TRAPPC9: variants seen among roughly 807,000 people sequenced by gnomAD.
TRAPPC9 encodes trafficking protein particle complex subunit 9.
TRAPPC9 carries 83 observed loss-of-function variants against 124.0 expected under a neutral mutation model. That is an observed-to-expected ratio of 0.67 (90% CI 0.56 to 0.80). The LOEUF (loss-of-function observed/expected upper bound fraction) is 0.80. TRAPPC9 is among the 30% of genes least tolerant of loss of function. The probability of loss-of-function intolerance (pLI) is 0.00; values close to 1 mark genes in which losing one functional copy is unlikely to be tolerated. For missense variants in TRAPPC9, 1,302 were observed against 1,508.3 expected (o/e 0.86, Z 2.27); for synonymous variants, 638 against 617.5 (o/e 1.03, Z -0.49).
chr8:139,799,103 T>G (rs1180591780), intron 21 of TRAPPC9, among the ~76,000 whole-genome samples: 1 of 152,172 alleles, frequency 6.6e-6, no homozygotes, highest in Non-Finnish European at 1.5e-5. Flanking sequence ...TCAAATCTCA[T>G]GTTGAGTTTG....
chr8:139,793,480 C>T (rs1822841964), intron 21 of TRAPPC9, among the ~76,000 whole-genome samples: 1 of 152,158 alleles, frequency 6.6e-6, no homozygotes, highest in Non-Finnish European at 1.5e-5. Context: ...CCGCCACCTG[C>T]CGCCTGGCCC....
At chr8:139,884,522 G>A (rs1829877941) in intron 21 of TRAPPC9, among the ~76,000 whole-genome samples, 1 of 152,180 alleles carries the variant, frequency 6.6e-6, no homozygotes, top group Non-Finnish European at 1.5e-5. Flanking sequence ...TAGCTACCTG[G>A]TGGAATCTCC....
At chr8:140,361,411 C>T (rs920547592) in intron 8 of TRAPPC9, among the ~76,000 whole-genome samples, 1 of 152,198 alleles carries the variant, frequency 6.6e-6, no homozygotes, top group Non-Finnish European at 1.5e-5. Context: ...AAGGAGGTGA[C>T]ATCTGGGGTG....
intron 21 of TRAPPC9, among the ~76,000 whole-genome samples, chr8:139,760,591 G>A (rs1162601586): frequency 1.3e-5 from 2 of 152,174 alleles, no homozygotes; most frequent in African/African-American, 2.4e-5. Flanking sequence ...CTACGAAGTC[G>A]GTTTATCCAG....
chr8:140,157,109 C>CCATTCAAAAGCCTCCCTTTT lies in TRAPPC9; in HGVS notation c.2556+64349_2556+64350insAAAAGGGAGGCTTTTGAATG, dbSNP rs1563804477. Reference sequence around the variant, plus strand: ...CTTTTCCATTCAGAAGCCTCCCTTTCCATTCAGAAGCCTCCCTTTTCCATT... The same window carrying CCATTCAAAAGCCTCCCTTTT: ...CTTTTCCATTCAGAAGCCTCCCTTTCCATTCAAAAGCCTCCCTTTTCATTCAGAAGCCTCCCTTTTCCATT... On this transcript the variant is annotated intron_variant, in intron 17 of 22. Coordinates refer to ENST00000438773, the MANE Select transcript of TRAPPC9 (RefSeq NM_001160372.4). Among the ~76,000 whole-genome samples the CCATTCAAAAGCCTCCCTTTT allele has an allele frequency of 6.6e-4, 75 of 113,954 alleles. 9 individuals are homozygous for CCATTCAAAAGCCTCCCTTTT. The highest frequency in any genetic ancestry group is 8.1e-4 in the Admixed American group (9 of 11,082). 74.8% of individuals were successfully genotyped at this position (113,954 alleles called of 152,430 possible).
chr8:139,864,708 C>A (rs547421457), intron 21 of TRAPPC9, among the ~76,000 whole-genome samples: 1 of 151,250 alleles, frequency 6.6e-6, no homozygotes, highest in South Asian at 2.1e-4. Context: ...GCAAGCCCTG[C>A]AGGGCTGTGG....
chr8:140,437,400 A>AT lies in TRAPPC9; in HGVS notation c.730+1651dup, dbSNP rs574482336. ...AGCACTCTGGGAGGCCAAGGCAGGC[A>AT]TATCAGCTGAGGTCGAGTTCAAGAG... On this transcript the variant is annotated intron_variant, in intron 3 of 22. Transcript: ENST00000438773. Among the ~76,000 whole-genome samples the AT allele has an allele frequency of 4.7e-4, 71 of 152,244 alleles. 1 individual carries two copies. In the South Asian group the frequency reaches 0.015, roughly 31 times the overall value.
intron 19 of TRAPPC9, among the ~76,000 whole-genome samples, chr8:139,964,627 G>A (rs1835578501): frequency 6.6e-6 from 1 of 152,052 alleles, no homozygotes; most frequent in African/African-American, 2.4e-5. Context: ...GGACTTCGGA[G>A]GTATTTCTAT....
chr8:139,875,836 C>T (rs1587066998), intron 21 of TRAPPC9, among the ~76,000 whole-genome samples: 1 of 152,258 alleles, frequency 6.6e-6, no homozygotes, highest in African/African-American at 2.4e-5. Context: ...TACTGACTAA[C>T]ACTGGCCTGG....
In TRAPPC9 at chr8:139,730,096, G is replaced by T. The variant is rs542408196; in HGVS notation, c.*965C>A. 1.3e-4 allele frequency among the ~76,000 whole-genome samples: 20 copies of T among 152,250 alleles called. 1 individual carries two copies. In the South Asian group the frequency reaches 2.1e-3, roughly 16 times the overall value. ...CGCAGGGCCAGCTGCCCACTGTGGC[G>T]GCAGCTCGGGCCCAGTCACACTCCT... is the stretch of plus-strand genomic sequence containing the variant. On this transcript the variant is annotated 3_prime_UTR_variant, in exon 23 of 23. Transcript: ENST00000438773.
rs537741546 is a variant in TRAPPC9 at position 140,232,887 on chromosome 8, T to C, written c.2432-11304A>G. ...GTAGAAGGCCTATTTCATAGGATAA[T>C]AAAGGAAGAATGGTGGTTTCCCAAG... On this transcript the variant is annotated intron_variant, in intron 16 of 22. Coordinates refer to ENST00000438773, the MANE Select transcript of TRAPPC9 (RefSeq NM_001160372.4). 3.3e-5 allele frequency among the ~76,000 whole-genome samples: 5 copies of C among 152,336 alleles called. No homozygotes were observed. In the South Asian group the frequency reaches 1.0e-3, roughly 32 times the overall value.
At chr8:139,831,301 C>T (rs1054287524) in intron 21 of TRAPPC9, among the ~76,000 whole-genome samples, 5 of 152,074 alleles carry the variant, frequency 3.3e-5, no homozygotes, top group Non-Finnish European at 7.4e-5. Context: ...CTGCTTGTGC[C>T]GAGACCTGGG....
intron 19 of TRAPPC9, among the ~76,000 whole-genome samples, chr8:139,925,150 G>A (rs1046208045): frequency 6.6e-6 from 1 of 152,224 alleles, no homozygotes; most frequent in Non-Finnish European, 1.5e-5. Context: ...GTCGACACAT[G>A]GAATGAGCTC....
chr8:139,890,560 G>A (rs1830276340), intron 20 of TRAPPC9, among the ~76,000 whole-genome samples: 2 of 152,324 alleles, frequency 1.3e-5, no homozygotes, highest in South Asian at 4.1e-4. Flanking sequence ...GCCTGGCTGG[G>A]CGACGAGGGG....
At chr8:140,419,116 A>T in intron 5 of TRAPPC9, among the ~76,000 whole-genome samples, 1 of 150,842 alleles carries the variant, frequency 6.6e-6, no homozygotes, top group African/African-American at 2.5e-5. Flanking sequence ...ACACGGTGAA[A>T]CCCCGTCTCT....
At chr8:140,282,224 T>A (rs947996641) in intron 14 of TRAPPC9, among the ~76,000 whole-genome samples, 1 of 152,168 alleles carries the variant, frequency 6.6e-6, no homozygotes, top group African/African-American at 2.4e-5. Flanking sequence ...AAGAACAGGC[T>A]GGATGTGGTA....
At chr8:139,991,623 A>G (rs886795974) in intron 18 of TRAPPC9, among the ~76,000 whole-genome samples, 5 of 147,878 alleles carry the variant, frequency 3.4e-5, no homozygotes, top group African/African-American at 1.2e-4. Context: ...TGTCTGAAGT[A>G]TGGGGAAATC....
intron 17 of TRAPPC9, among the ~76,000 whole-genome samples, chr8:140,078,601 C>T (rs1843641444): frequency 6.6e-6 from 1 of 152,166 alleles, no homozygotes; most frequent in African/African-American, 2.4e-5. Context: ...TGGGCAAAAA[C>T]ATGAATCACA....
intron 17 of TRAPPC9, among the ~76,000 whole-genome samples, chr8:140,029,547 T>C (rs1840372680): frequency 6.6e-6 from 1 of 151,948 alleles, no homozygotes. Context: ...AATAAGAATG[T>C]ACTCCCACAT....
Sources: gnomAD v4.1 joint callset for allele counts (sites outside exome capture counted in the v4.1 genomes callset) on GRCh38, gnomAD v4.1.1 for gene constraint, MANE v1.5 for transcripts, NCBI Gene and HGNC (gene_info 2026-07-23, HGNC 2026-07-21) for gene names.